The following MYLK4 variants were observed in gnomAD, a reference collection of about 807,000 sequenced individuals.
MYLK4 encodes caMLCK like.
A neutral mutation model predicts 48.1 loss-of-function variants in MYLK4; 46 were observed. The ratio of observed to expected loss-of-function variants is 0.96; its 90% CI spans 0.75 to 1.22. The LOEUF is 1.22. Ranked by LOEUF, MYLK4 falls within the 50% of genes most tolerant of loss-of-function variation. The probability of loss-of-function intolerance (pLI) is 0.00; values close to 1 mark genes in which losing one functional copy is unlikely to be tolerated. For missense variants in MYLK4, 451 were observed against 486.1 expected (o/e 0.93, Z 0.68); for synonymous variants, 170 against 180.8 (o/e 0.94, Z 0.48).
chr6:2,669,765 C>T (rs1204724436), intron 12 of MYLK4, among the ~76,000 whole-genome samples: 4 of 152,196 alleles, frequency 2.6e-5, no homozygotes, highest in Non-Finnish European at 5.9e-5. Flanking sequence ...CAACTCTCTC[C>T]TACCTTATTG....
intron 2 of MYLK4, among the ~76,000 whole-genome samples, chr6:2,737,977 C>CGGGGGGGGGGG (rs1158504264): frequency 1.2e-3 from 3 of 2,534 alleles, no homozygotes; most frequent in East Asian, 0.013. Flanking sequence ...GTGCCGGGGG[C>CGGGGGGGGGGG]GGGTGGGGGG....
chr6:2,671,401 C>G, intron 11 of MYLK4, 53 bp from the exon 12 acceptor site: 1 of 1,527,484 alleles, frequency 6.5e-7, no homozygotes, highest in Admixed American at 1.7e-5. Flanking sequence ...CCTTCAGGTC[C>G]TGACTTATGA....
At chr6:2,668,789 G>A (rs1185379411) in intron 12 of MYLK4, among the ~76,000 whole-genome samples, 1 of 152,098 alleles carries the variant, frequency 6.6e-6, no homozygotes, top group African/African-American at 2.4e-5. Context: ...AAGAAGGTAG[G>A]CAGGGAATGG....
chr6:2,763,100 G>A, the MYLK4 span, among the ~76,000 whole-genome samples: 1 of 152,208 alleles, frequency 6.6e-6, no homozygotes. Flanking sequence ...TTTACAGAGA[G>A]CCCATTGGTC....
chr6:2,768,453 G>A, the MYLK4 span, among the ~76,000 whole-genome samples: 2 of 152,228 alleles, frequency 1.3e-5, no homozygotes, highest in African/African-American at 2.4e-5. Flanking sequence ...AGGGACAGAG[G>A]AGAAAAGGTC....
chr6:2,724,483 T>A (rs148041696), intron 2 of MYLK4, among the ~76,000 whole-genome samples: 34 of 152,274 alleles, frequency 2.2e-4, no homozygotes, highest in Middle Eastern at 3.4e-3. Flanking sequence ...CACTTGGTGC[T>A]GGAGAAAGGA....
At chr6:2,762,243 CCATGA>C in the MYLK4 span, among the ~76,000 whole-genome samples, 2 of 152,098 alleles carry the variant, frequency 1.3e-5, no homozygotes, top group African/African-American at 4.8e-5. Context: ...CACAAGTTTC[CCATGA>C]CAATACTTTT....
chr6:2,770,346 G>A, the MYLK4 span: 10 of 1,614,070 alleles, frequency 6.2e-6, no homozygotes, highest in African/African-American at 2.7e-5. Flanking sequence ...AGCCACAGCA[G>A]CAACAGCAGC....
upstream of MYLK4, among the ~76,000 whole-genome samples, chr6:2,755,165 A>C (rs910676150): frequency 6.6e-5 from 10 of 152,234 alleles, no homozygotes; most frequent in African/African-American, 2.2e-4. Flanking sequence ...TGGATCATTT[A>C]AAAATTAATA....
In MYLK4 at chr6:2,749,397, T is replaced by C; in HGVS notation, c.-103A>G. The C allele has an allele frequency of 1.2e-6, 1 of 862,204 alleles. No individual in the cohort carries two copies. The highest frequency in any genetic ancestry group is 1.8e-6 in the Non-Finnish European group (1 of 571,110). 53.4% of individuals were successfully genotyped at this position (862,204 alleles called of 1,614,324 possible). ...CACAATTATGACTCTTCAGTGCTTC[T>C]TTCTCTTGACTGCAAAGAAAGGAAA... On this transcript the variant is annotated 5_prime_UTR_variant, in exon 2 of 13. Coordinates refer to ENST00000274643, the MANE Select transcript of MYLK4 (RefSeq NM_001012418.5).
chr6:2,699,330 C>T (rs1320135970), intron 2 of MYLK4, among the ~76,000 whole-genome samples: 20 of 91,554 alleles, frequency 2.2e-4, no homozygotes, highest in Admixed American at 1.6e-3. Flanking sequence ...CTCTCTCTGT[C>T]GCCCAGGCTG....
intron 2 of MYLK4, among the ~76,000 whole-genome samples, chr6:2,703,665 CTTTTTTTT>C (rs3055234): frequency 6.3e-5 from 6 of 95,120 alleles, no homozygotes; most frequent in South Asian, 9.0e-4. Context: ...TTTGTGAATT[CTTTTTTTT>C]TTTTTTTTTT....
At chr6:2,705,006 G>T (rs1477536990) in intron 2 of MYLK4, among the ~76,000 whole-genome samples, 1 of 152,162 alleles carries the variant, frequency 6.6e-6, no homozygotes, top group Non-Finnish European at 1.5e-5. Context: ...TTATATGGTT[G>T]CAAGACACCG....
At chr6:2,746,604 T>A (rs1764101594) in intron 2 of MYLK4, among the ~76,000 whole-genome samples, 1 of 152,186 alleles carries the variant, frequency 6.6e-6, no homozygotes, top group Non-Finnish European at 1.5e-5. Flanking sequence ...AAAGCTTTCA[T>A]GTCACCAGAG....
chr6:2,700,896 A>C (rs1762258129), intron 2 of MYLK4, among the ~76,000 whole-genome samples: 1 of 152,228 alleles, frequency 6.6e-6, no homozygotes, highest in South Asian at 2.1e-4. Flanking sequence ...TATTTATAGC[A>C]CTTTGCGTAA....
At chr6:2,749,026 G>T in intron 2 of MYLK4, 110 bp downstream of exon 2, 1 of 939,132 alleles carries the variant, frequency 1.1e-6, no homozygotes, top group Non-Finnish European at 1.6e-6. Context: ...AAAGTGGAAT[G>T]ATGCCTATTC....
At chr6:2,765,093 T>A in the MYLK4 span, among the ~76,000 whole-genome samples, 1 of 149,006 alleles carries the variant, frequency 6.7e-6, no homozygotes, top group African/African-American at 2.5e-5. Context: ...CCGTGGCTCC[T>A]CCCTGCCCTC....
chr6:2,700,020 G>A (rs1245385694), intron 2 of MYLK4, among the ~76,000 whole-genome samples: 2 of 152,066 alleles, frequency 1.3e-5, no homozygotes, highest in Middle Eastern at 3.2e-3. Flanking sequence ...TGAGTAGTTC[G>A]ATAACACAGA....
Position 2,671,201 on chromosome 6 carries a change from C to A in MYLK4, c.*25+75G>T. ...CTCTTCTTCCTGCATAGTCTGTGAG[C>A]AAATGCTCCATTTATTTCTTATTCC... On this transcript the variant is annotated intron_variant, in intron 12 of 12. Coordinates refer to ENST00000274643, the MANE Select transcript of MYLK4 (RefSeq NM_001012418.5). The A allele has an allele frequency of 4.7e-6, 5 of 1,054,442 alleles. No homozygotes were observed. The South Asian group carries it at 5.5e-5, about 12-fold the overall frequency. 65.3% of individuals were successfully genotyped at this position (1,054,442 alleles called of 1,614,324 possible). A position where few individuals can be genotyped will look rare whatever the true frequency, so the allele number is the denominator to read the frequency against.
Sources: allele counts gnomAD v4.1 joint callset (sites outside exome capture counted in the v4.1 genomes callset), GRCh38; gene constraint gnomAD v4.1.1; transcripts MANE v1.5; gene names NCBI Gene and HGNC (gene_info 2026-07-23, HGNC 2026-07-21).